Variants in NEGR1 observed in about 807,000 individuals in gnomAD.
NEGR1 encodes IgLON family member 4.
Under a neutral mutation model 40.9 loss-of-function variants are expected in NEGR1, and 10 were observed. That is an observed-to-expected ratio of 0.24 (90% CI 0.15 to 0.42). NEGR1 has a LOEUF of 0.42. Among genes scored for constraint, NEGR1 ranks in the 10% least tolerant of loss-of-function variants. The pLI is 1.00. For synonymous variants in NEGR1, 185 were observed against 166.8 expected (o/e 1.11, Z -0.84); for missense variants, 352 against 438.9 (o/e 0.80, Z 1.77).
chr1:71,425,968 T>C (rs1646425817), intron 6 of NEGR1, among the ~76,000 whole-genome samples: 1 of 152,132 alleles, frequency 6.6e-6, no homozygotes, highest in Admixed American at 6.5e-5. Context: ...TTCCCAGCAA[T>C]CACACTCCTA....
chr1:71,971,013 A>C (rs573790566), intron 1 of NEGR1, among the ~76,000 whole-genome samples: 2 of 152,194 alleles, frequency 1.3e-5, no homozygotes, highest in African/African-American at 2.4e-5. Context: ...ACATCCTGAC[A>C]TGAAATCATC....
chr1:71,457,410 GAT>G (rs1273654935), intron 6 of NEGR1, among the ~76,000 whole-genome samples: 1 of 152,146 alleles, frequency 6.6e-6, no homozygotes, highest in South Asian at 2.1e-4. Context: ...CTGTCACAAA[GAT>G]AGATCTGCCC....
At chr1:72,139,262 A>AG (rs1171268569) in intron 1 of NEGR1, among the ~76,000 whole-genome samples, 7 of 151,628 alleles carry the variant, frequency 4.6e-5, no homozygotes, top group Admixed American at 1.3e-4. Context: ...AGCGAAAAAA[A>AG]AAAAAAGAAA....
intron 2 of NEGR1, among the ~76,000 whole-genome samples, chr1:71,827,508 G>C (rs1052703684): frequency 1.3e-5 from 2 of 151,666 alleles, no homozygotes; most frequent in Non-Finnish European, 2.9e-5. Context: ...GTGACTCACT[G>C]TTTTCATGGA....
In NEGR1 at chr1:71,867,091, G is replaced by A. The variant is rs568952735; in HGVS notation, c.409+67988C>T. Among the ~76,000 whole-genome samples, 5 of 152,302 alleles carry A rather than the reference G, an allele frequency of 3.3e-5. No individual in the cohort carries two copies. In the South Asian group the frequency reaches 6.2e-4, roughly 19 times the overall value. On this transcript the variant is annotated intron_variant, in intron 2 of 6. Coordinates refer to ENST00000357731, the MANE Select transcript of NEGR1 (RefSeq NM_173808.3). ...ATCCTGGCCGGGTACTGTGGCTCAC[G>A]CCTGTAATCCCGGCACTTTGGGAGG... is the stretch of plus-strand genomic sequence containing the variant.
chr1:72,089,492 C>A (rs1015985149), intron 1 of NEGR1, among the ~76,000 whole-genome samples: 2 of 152,038 alleles, frequency 1.3e-5, no homozygotes, highest in African/African-American at 2.4e-5. Flanking sequence ...TTGATTAATT[C>A]GTATAAAGTA....
At chr1:71,873,140 G>C (rs1055920075) in intron 2 of NEGR1, among the ~76,000 whole-genome samples, 1 of 80,970 alleles carries the variant, frequency 1.2e-5, no homozygotes, top group Non-Finnish European at 2.5e-5. Context: ...AAAAAAAAAA[G>C]ACAAATAGAG....
intron 4 of NEGR1, among the ~76,000 whole-genome samples, chr1:71,641,094 G>C (rs946591779): frequency 6.6e-6 from 1 of 152,052 alleles, no homozygotes; most frequent in Non-Finnish European, 1.5e-5. Context: ...ATGTTTCTGA[G>C]GACACTGCTC....
At chr1:71,440,492 A>G (rs1239058538) in intron 6 of NEGR1, among the ~76,000 whole-genome samples, 1 of 152,224 alleles carries the variant, frequency 6.6e-6, no homozygotes, top group African/African-American at 2.4e-5. Flanking sequence ...TGTTGTAATA[A>G]TCGACATGTT....
At chr1:71,922,954 T>C (rs1202666610) in intron 2 of NEGR1, among the ~76,000 whole-genome samples, 2 of 152,114 alleles carry the variant, frequency 1.3e-5, no homozygotes, top group Non-Finnish European at 2.9e-5. Flanking sequence ...CATGCTAAAC[T>C]ACTTAAGAAA....
chr1:72,045,271 AGC>A (rs1286370937), intron 1 of NEGR1, among the ~76,000 whole-genome samples: 1 of 151,860 alleles, frequency 6.6e-6, no homozygotes, highest in Non-Finnish European at 1.5e-5. Context: ...GACAATCTTT[AGC>A]ATTATATCAA....
chr1:72,271,051 T>C (rs1390831497), intron 1 of NEGR1, among the ~76,000 whole-genome samples: 1 of 151,856 alleles, frequency 6.6e-6, no homozygotes. Context: ...AAGGCTTTTG[T>C]TCAAGGTCAC....
At chr1:71,535,820 A>G (rs1417696370) in intron 6 of NEGR1, among the ~76,000 whole-genome samples, 3 of 151,726 alleles carry the variant, frequency 2.0e-5, no homozygotes, top group Admixed American at 6.6e-5. Context: ...TAGGGATCAG[A>G]TCTTAAACCT....
intron 4 of NEGR1, among the ~76,000 whole-genome samples, chr1:71,688,384 G>GATATATATAAAAGATAT (rs1553158644): frequency 3.2e-5 from 1 of 31,722 alleles, no homozygotes; most frequent in South Asian, 1.1e-3. Context: ...ATACATAAAA[G>GATATATATAAAAGATAT]ATATATAAAA....
intron 2 of NEGR1, among the ~76,000 whole-genome samples, chr1:71,912,892 T>A (rs1661459342): frequency 6.6e-6 from 1 of 152,138 alleles, no homozygotes; most frequent in Non-Finnish European, 1.5e-5. Flanking sequence ...TTTCATGCAT[T>A]TTGTAATAAT....
chr1:71,431,808 T>G (rs1646471354), intron 6 of NEGR1, among the ~76,000 whole-genome samples: 1 of 152,194 alleles, frequency 6.6e-6, no homozygotes, highest in Non-Finnish European at 1.5e-5. Context: ...CTTTTATGTA[T>G]GAAAATAAAT....
At chr1:71,726,159 C>G (rs560862661) in intron 3 of NEGR1, among the ~76,000 whole-genome samples, 1 of 152,172 alleles carries the variant, frequency 6.6e-6, no homozygotes, top group Non-Finnish European at 1.5e-5. Context: ...CAAGTGTTAG[C>G]TGGAATTTAT....
At chr1:71,917,989 G>A (rs150815672) in intron 2 of NEGR1, among the ~76,000 whole-genome samples, 11,998 of 150,094 alleles carry the variant, frequency 0.08, 751 homozygotes, top group Admixed American at 0.21. Context: ...AGGCCGAGGC[G>A]GGCGGATCAC....
intron 1 of NEGR1, among the ~76,000 whole-genome samples, chr1:72,085,968 CAAAAAA>C (rs36028456): frequency 1.6e-5 from 1 of 63,040 alleles, no homozygotes; most frequent in African/African-American, 5.6e-5. Flanking sequence ...GACTCTGTCT[CAAAAAA>C]AAAAAAAAAA....
Sources: gnomAD v4.1 joint callset for allele counts (sites outside exome capture counted in the v4.1 genomes callset) on GRCh38, gnomAD v4.1.1 for gene constraint, MANE v1.5 for transcripts, NCBI Gene and HGNC (gene_info 2026-07-23, HGNC 2026-07-21) for gene names.